NMNAT2: variants seen among roughly 807,000 people sequenced by gnomAD.
NMNAT2 encodes nicotinamide nucleotide adenylyltransferase 2, also known as nicotinamide/nicotinic acid mononucleotide adenylyltransferase 2.
A neutral mutation model predicts 41.6 loss-of-function variants in NMNAT2; 11 were observed. The ratio of observed to expected loss-of-function variants is 0.26; its 90% confidence interval spans 0.17 to 0.44. NMNAT2 has a LOEUF of 0.44. Ranked by LOEUF, NMNAT2 falls within the 20% of genes least tolerant of loss-of-function variation. The pLI is 1.00. For synonymous variants in NMNAT2, 148 were observed against 151.2 expected, an observed-to-expected ratio of 0.98 and a Z score of 0.16; for missense variants, 288 against 407.7, an observed-to-expected ratio of 0.71 and a Z score of 2.53.
chr1:183,412,384 C>T (rs933463378), intron 1 of NMNAT2, among the ~76,000 whole-genome samples: 1 of 152,134 alleles, frequency 6.6e-6, no homozygotes, highest in Non-Finnish European at 1.5e-5. Context: ...CCACCACGCC[C>T]GGCTAATTTT....
intron 1 of NMNAT2, among the ~76,000 whole-genome samples, chr1:183,301,498 C>T (rs1661852061): frequency 6.6e-6 from 1 of 152,212 alleles, no homozygotes. Context: ...AGTTCTGCCC[C>T]AAAGAAGGAG....
chr1:183,329,217 A>G (rs1243874909), intron 1 of NMNAT2, among the ~76,000 whole-genome samples: 2 of 152,160 alleles, frequency 1.3e-5, no homozygotes, highest in Admixed American at 1.3e-4. Context: ...CCTTTAATTC[A>G]AACAAATATC....
At chr1:183,343,352 C>A (rs1420983995) in intron 1 of NMNAT2, among the ~76,000 whole-genome samples, 1 of 152,182 alleles carries the variant, frequency 6.6e-6, no homozygotes, top group African/African-American at 2.4e-5. Flanking sequence ...CCACAATGTT[C>A]TCCTCATGCA....
At chr1:183,269,027 G>T (rs191175148) in intron 8 of NMNAT2, among the ~76,000 whole-genome samples, 3 of 152,178 alleles carry the variant, frequency 2.0e-5, no homozygotes, top group Non-Finnish European at 4.4e-5. Flanking sequence ...CTATGATCAC[G>T]CCACTGCACG....
Position 183,304,538 on chromosome 1 carries a change from C to T in NMNAT2, c.86-10745G>A, listed in dbSNP as rs957871650. Reference sequence around the variant, plus strand: ...TAGGGATCAGGCTGATGTCCCTAAACAGGCATGCACAGAGCAGCCCTGCAA... The same window carrying T: ...TAGGGATCAGGCTGATGTCCCTAAATAGGCATGCACAGAGCAGCCCTGCAA... On this transcript the variant is annotated intron_variant, in intron 1 of 10. Coordinates refer to ENST00000287713, the MANE Select transcript of NMNAT2 (RefSeq NM_015039.4). 4 of 753,560 alleles carry T rather than the reference C, an allele frequency of 5.3e-6. No individual in the cohort carries two copies. In the African/African-American group the frequency reaches 6.9e-5, roughly 13 times the overall value. 46.7% of individuals were successfully genotyped at this position (753,560 alleles called of 1,614,324 possible).
chr1:183,331,607 C>A (rs1662586766), intron 1 of NMNAT2, among the ~76,000 whole-genome samples: 1 of 152,174 alleles, frequency 6.6e-6, no homozygotes, highest in Non-Finnish European at 1.5e-5. Context: ...TCCTGTTGGG[C>A]CAGTGACCTG....
intron 1 of NMNAT2, among the ~76,000 whole-genome samples, chr1:183,297,473 C>T (rs891786836): frequency 8.6e-5 from 13 of 151,522 alleles, no homozygotes; most frequent in African/African-American, 2.7e-4. Flanking sequence ...ACCTCTGCCT[C>T]CCGGGTTCAA....
chr1:183,321,271 T>A lies in NMNAT2; in HGVS notation c.86-27478A>T, dbSNP rs191768048. Among the ~76,000 whole-genome samples the A allele has an allele frequency of 1.1e-4, 17 of 152,316 alleles. No individual in the cohort carries two copies. In the East Asian group the frequency reaches 3.3e-3, roughly 29 times the overall value. ...CTATTTTCCTTTACTCTTTCCTTTATTATGTTCATGAAGCCCAAACCATAT... is the reference window on the plus strand; with the variant it reads ...CTATTTTCCTTTACTCTTTCCTTTAATATGTTCATGAAGCCCAAACCATAT... On this transcript the variant is annotated intron_variant, in intron 1 of 10. Transcript: ENST00000287713.
chr1:183,251,974 G>A lies in NMNAT2; in HGVS notation c.*667C>T, dbSNP rs1206730420. ...GTGTGTGTGGTGCTGAAGAAGTGGA[G>A]GTTGCTTGGCCTTCTCTACTGGGTG... On this transcript the variant is annotated 3_prime_UTR_variant, in exon 11 of 11. Coordinates refer to ENST00000287713, the MANE Select transcript of NMNAT2 (RefSeq NM_015039.4). 1 of 155,402 alleles carries A rather than the reference G, an allele frequency of 6.4e-6. No homozygotes were observed. The highest frequency in any genetic ancestry group is 1.4e-5 in the Non-Finnish European group (1 of 70,338). The allele number at this position is 155,402 out of a possible 1,614,324, so 9.6% of individuals were successfully genotyped here. A position where few individuals can be genotyped will look rare whatever the true frequency, so the allele number is the denominator to read the frequency against.
intron 1 of NMNAT2, among the ~76,000 whole-genome samples, chr1:183,346,878 T>C (rs1238234488): frequency 1.3e-5 from 2 of 152,146 alleles, no homozygotes; most frequent in Non-Finnish European, 2.9e-5. Context: ...CACCCCATTT[T>C]TACCCCATTA....
intron 1 of NMNAT2, among the ~76,000 whole-genome samples, chr1:183,318,444 G>A (rs1281570340): frequency 6.6e-6 from 1 of 152,204 alleles, no homozygotes; most frequent in Non-Finnish European, 1.5e-5. Context: ...TCGGAAGTCA[G>A]GGCAGCTCTG....
intron 5 of NMNAT2, 84 bp from the exon 6 acceptor site, chr1:183,284,874 C>T (rs1661362908): frequency 6.3e-6 from 7 of 1,107,508 alleles, no homozygotes; most frequent in East Asian, 2.4e-5. Context: ...GCATTGGGGC[C>T]GCTGTAAACA....
Position 183,278,641 on chromosome 1 carries a change from G to T in NMNAT2, c.575-12C>A, listed in dbSNP as rs1447666581. On this transcript the variant is annotated splice_polypyrimidine_tract_variant and intron_variant, in intron 7 of 10. Coordinates refer to ENST00000287713, the MANE Select transcript of NMNAT2 (RefSeq NM_015039.4). The stretch of plus-strand genomic sequence containing the variant: ...CAGGATCCGTAGCTCTGAGGAAGGG[G>T]AGCAAAGTTTGCAAAGGGAGTAAGT... 1.2e-6 allele frequency: 2 copies of T among 1,609,438 alleles called. No individual in the cohort carries two copies. The highest frequency in any genetic ancestry group is 2.7e-5 in the African/African-American group (2 of 74,798).
In NMNAT2 at chr1:183,258,106, C is replaced by G. The variant is rs556933876; in HGVS notation, c.821+2896G>C. On this transcript the variant is annotated intron_variant, in intron 10 of 10. Transcript: ENST00000287713. ...GATTCACTGCATCTTTTCCTTCCTA[C>G]AGGAGCCCATGGAGGAGAGGCACCA... 2.2e-3 allele frequency among the ~76,000 whole-genome samples: 336 copies of G among 152,314 alleles called. 2 individuals are homozygous for G. The highest frequency in any genetic ancestry group is 7.7e-3 in the African/African-American group (322 of 41,572).
At chr1:183,293,908 G>T in intron 1 of NMNAT2, 115 bp from the exon 2 acceptor site, 1 of 724,122 alleles carries the variant, frequency 1.4e-6, no homozygotes, top group Non-Finnish European at 2.3e-6. Flanking sequence ...CATCTCTCTT[G>T]CCATTTAAAT....
At chr1:183,388,557 T>C (rs1648329511) in intron 1 of NMNAT2, among the ~76,000 whole-genome samples, 1 of 152,226 alleles carries the variant, frequency 6.6e-6, no homozygotes, top group Non-Finnish European at 1.5e-5. Flanking sequence ...GAATTCGATG[T>C]TGCACCTTGT....
At chr1:183,255,189 GC>G (rs1660484578) in intron 10 of NMNAT2, among the ~76,000 whole-genome samples, 1 of 152,182 alleles carries the variant, frequency 6.6e-6, no homozygotes, top group East Asian at 1.9e-4. Context: ...TCTTTATTGT[GC>G]TTTTTTGGTA....
chr1:183,270,774 G>C (rs914743161), intron 8 of NMNAT2, among the ~76,000 whole-genome samples: 1 of 152,196 alleles, frequency 6.6e-6, no homozygotes, highest in East Asian at 1.9e-4. Flanking sequence ...AGTCGTATCA[G>C]TGTGGGGGCC....
chr1:183,342,342 A>ATT (rs1662838249), intron 1 of NMNAT2, among the ~76,000 whole-genome samples: 1 of 152,152 alleles, frequency 6.6e-6, no homozygotes, highest in African/African-American at 2.4e-5. Context: ...AAATTTTTCC[A>ATT]AAAAATAACA....
Sources: gnomAD v4.1 joint callset for allele counts (sites outside exome capture counted in the v4.1 genomes callset) on GRCh38, gnomAD v4.1.1 for gene constraint, MANE v1.5 for transcripts, NCBI Gene and HGNC (gene_info 2026-07-23, HGNC 2026-07-21) for gene names.